VPS13A: variants seen among roughly 807,000 people sequenced by gnomAD.
VPS13A encodes intermembrane lipid transfer protein VPS13A.
A neutral mutation model predicts 390.9 loss-of-function variants in VPS13A; 264 were observed. The ratio of observed to expected loss-of-function variants is 0.68; its 90% CI spans 0.61 to 0.75. The LOEUF is 0.75. Among genes scored for constraint, VPS13A ranks in the 30% least tolerant of loss-of-function variants. The pLI is 0.00. For missense variants in VPS13A, 3,409 were observed against 3,733.9 expected, an observed-to-expected ratio of 0.91 and a Z score of 2.27; for synonymous variants, 1,231 against 1,227.1, an observed-to-expected ratio of 1.00 and a Z score of -0.07.
intron 23 of VPS13A, among the ~76,000 whole-genome samples, chr9:77,263,700 G>T (rs1002497666): frequency 6.6e-6 from 1 of 152,060 alleles, no homozygotes; most frequent in Non-Finnish European, 1.5e-5. Flanking sequence ...TAGGTTGCCT[G>T]CTCACTCTGA....
chr9:77,257,003 G>GGT (rs1416826476), intron 22 of VPS13A, among the ~76,000 whole-genome samples: 1 of 152,068 alleles, frequency 6.6e-6, no homozygotes, highest in Non-Finnish European at 1.5e-5. Flanking sequence ...AGTAAATACA[G>GGT]ATGGGGAGGA....
At chr9:77,316,465 AT>A in intron 39 of VPS13A, 59 bp downstream of exon 39, 1 of 1,486,390 alleles carries the variant, frequency 6.7e-7, no homozygotes, top group Non-Finnish European at 9.4e-7. Flanking sequence ...AGTGTATACC[AT>A]TTTAGGAAAC....
chr9:77,230,851 C>G (rs1326609184), intron 17 of VPS13A, among the ~76,000 whole-genome samples: 3 of 152,110 alleles, frequency 2.0e-5, no homozygotes, highest in Non-Finnish European at 2.9e-5. Flanking sequence ...AGCTACTTAT[C>G]TAAACAATAT....
In VPS13A at chr9:77,316,342, T is replaced by A; in HGVS notation, c.4799T>A (p.Ile1600Asn). 6.2e-7 allele frequency: 1 copy of A among 1,613,196 alleles called. No homozygotes were observed. The highest frequency in any genetic ancestry group is 8.5e-7 in the Non-Finnish European group (1 of 1,179,382). The change falls in exon 39 of 72, where the codon ATT becomes AAT. Residue 1600 changes from isoleucine to asparagine, a missense_variant. Around this residue, in one of 5 missense-constraint regions of VPS13A, gnomAD observed 2,717 missense variants for 2,917.4 expected, o/e 0.93. Coordinates refer to ENST00000360280, the MANE Select transcript of VPS13A (RefSeq NM_033305.3). ...GAAAATAGTACAATGACTGCTGCCATTAAAGATCTCCAAGTGAGAGCCTGC... is the reference window on the plus strand; with the variant it reads ...GAAAATAGTACAATGACTGCTGCCAATAAAGATCTCCAAGTGAGAGCCTGC... ...NLENSTMTAAIKDLQVRACPF... is the reference protein window; with the variant it reads ...NLENSTMTAANKDLQVRACPF...
Position 77,384,857 on chromosome 9 carries a change from T to A in VPS13A, c.9189+2770T>A, listed in dbSNP as rs551755813. 16 of 1,437,762 alleles carry A rather than the reference T, an allele frequency of 1.1e-5. No individual in the cohort carries two copies. The East Asian group carries it at 2.3e-4, about 20-fold the overall frequency. The allele number at this position is 1,437,762 out of a possible 1,614,324, so 89.1% of individuals were successfully genotyped here. ...TGTATTATTTAAGCACAGAAAAAAA[T>A]GTATCTTACATCCAAAGTAGGGAGG... On this transcript the variant is annotated intron_variant, in intron 68 of 71. Transcript: ENST00000360280.
rs761491791 is a variant in VPS13A at position 77,276,484 on chromosome 9, CTTAA to C, written c.2824+267_2824+270del. 5.3e-5 allele frequency among the ~76,000 whole-genome samples: 8 copies of C among 152,296 alleles called. No individual in the cohort carries two copies. The East Asian group carries it at 1.3e-3, about 26-fold the overall frequency. Reference sequence around the variant, plus strand: ...ATCTACTTAACTGAGTATTGGAACACTTAATTAGTTTTCTATTGTTGCTATAACA... The same window carrying C: ...ATCTACTTAACTGAGTATTGGAACACTTAGTTTTCTATTGTTGCTATAACA... On this transcript the variant is annotated intron_variant, in intron 26 of 71. Transcript: ENST00000360280.
chr9:77,202,865 G>A (rs972999330), intron 3 of VPS13A, among the ~76,000 whole-genome samples: 2 of 152,116 alleles, frequency 1.3e-5, no homozygotes, highest in Non-Finnish European at 2.9e-5. Flanking sequence ...TACCTCTGTC[G>A]TAGCACCTGT....
At chr9:77,383,332 T>C (rs1275504708) in intron 68 of VPS13A, among the ~76,000 whole-genome samples, 2 of 152,092 alleles carry the variant, frequency 1.3e-5, no homozygotes, top group African/African-American at 2.4e-5. Context: ...ACTGGTAATC[T>C]ATTAAGAGGT....
At chr9:77,342,856 C>CA (rs1033124549) in intron 50 of VPS13A, among the ~76,000 whole-genome samples, 5 of 152,082 alleles carry the variant, frequency 3.3e-5, no homozygotes, top group African/African-American at 1.2e-4. Context: ...TGGCACTGGA[C>CA]AAGGGTTAGG....
intron 20 of VPS13A, among the ~76,000 whole-genome samples, chr9:77,247,861 A>G (rs531322277): frequency 1.5e-4 from 23 of 152,066 alleles, no homozygotes; most frequent in Admixed American, 2.6e-4. Flanking sequence ...GAATTTCACT[A>G]TGTTGCAGAC....
intron 17 of VPS13A, among the ~76,000 whole-genome samples, chr9:77,237,761 C>T (rs1824237437): frequency 2.0e-5 from 3 of 152,140 alleles, no homozygotes; most frequent in Admixed American, 6.5e-5. Flanking sequence ...TGTAGATTTA[C>T]TGTCATTTTA....
intron 68 of VPS13A, among the ~76,000 whole-genome samples, chr9:77,399,167 TA>T (rs763173093): frequency 1.7e-3 from 149 of 86,112 alleles, no homozygotes; most frequent in African/African-American, 4.1e-3. Context: ...TAGAGTATAA[TA>T]AAAAAAAAAA....
chr9:77,213,656 A>G (rs1297418577), intron 9 of VPS13A, among the ~76,000 whole-genome samples: 1 of 152,020 alleles, frequency 6.6e-6, no homozygotes, highest in Non-Finnish European at 1.5e-5. Context: ...ACACGCCACC[A>G]TGCCCAGCTA....
chr9:77,415,290 C>T (rs1835127827), intron 71 of VPS13A, among the ~76,000 whole-genome samples: 1 of 152,166 alleles, frequency 6.6e-6, no homozygotes, highest in African/African-American at 2.4e-5. Context: ...CCAGAGAAGG[C>T]TACTGGATTC....
chr9:77,395,570 G>GTA (rs1834087872), intron 68 of VPS13A: 2 of 152,164 alleles, frequency 1.3e-5, no homozygotes, highest in Non-Finnish European at 2.9e-5. Context: ...CTTGCTTGAT[G>GTA]CAGAGTTGCC....
chr9:77,210,694 A>C lies in VPS13A; in HGVS notation c.555+19A>C, dbSNP rs768517006. On this transcript the variant is annotated intron_variant, in intron 7 of 71. Transcript: ENST00000360280. ...CATGCAGGTATTTTGTTTATAAAAGAATCTTAACCATATTTAATGTGCAAT... is the reference window on the plus strand; with the variant it reads ...CATGCAGGTATTTTGTTTATAAAAGCATCTTAACCATATTTAATGTGCAAT... The C allele has an allele frequency of 4.8e-5, 77 of 1,609,844 alleles. No individual in the cohort carries two copies. The highest frequency in any genetic ancestry group is 6.3e-5 in the Non-Finnish European group (74 of 1,176,676).
At chr9:77,256,392 G>T (rs545005531) in intron 22 of VPS13A, among the ~76,000 whole-genome samples, 1 of 151,768 alleles carries the variant, frequency 6.6e-6, no homozygotes, top group African/African-American at 2.4e-5. Flanking sequence ...ATTTTTTGAC[G>T]CTTGGTTTTT....
chr9:77,392,742 T>A (rs1445037057), intron 68 of VPS13A, among the ~76,000 whole-genome samples: 1 of 148,622 alleles, frequency 6.7e-6, no homozygotes, highest in Non-Finnish European at 1.5e-5. Flanking sequence ...AAACTATATA[T>A]AACTATATAA....
intron 67 of VPS13A, among the ~76,000 whole-genome samples, chr9:77,377,984 A>G (rs998386554): frequency 3.9e-5 from 6 of 152,200 alleles, no homozygotes; most frequent in African/African-American, 1.4e-4. Flanking sequence ...CAGATCTTAA[A>G]CTAATATTGC....
Sources: allele counts gnomAD v4.1 joint callset (sites outside exome capture counted in the v4.1 genomes callset), GRCh38; gene constraint gnomAD v4.1.1; regional missense constraint gnomAD v4.1.1; transcripts MANE v1.5; gene names NCBI Gene and HGNC (gene_info 2026-07-23, HGNC 2026-07-21).